DGKB: variants seen among roughly 807,000 people sequenced by gnomAD.
DGKB encodes the protein diacylglycerol kinase beta.
A neutral mutation model predicts 114.3 loss-of-function variants in DGKB; 67 were observed. The observed-to-expected ratio is 0.59, with a 90% CI of 0.48 to 0.72. DGKB has a LOEUF of 0.72. Among genes scored for constraint, DGKB ranks in the 30% least tolerant of loss-of-function variants. The pLI, the probability that DGKB is intolerant of heterozygous loss-of-function variation, is 0.00. For missense variants in DGKB, 907 were observed against 975.2 expected, an observed-to-expected ratio of 0.93 and a Z score of 0.93; for synonymous variants, 398 against 323.1, an observed-to-expected ratio of 1.23 and a Z score of -2.49.
chr7:14,893,716 G>C (rs1360924880), intron 1 of DGKB, among the ~76,000 whole-genome samples: 1 of 151,240 alleles, frequency 6.6e-6, no homozygotes. Flanking sequence ...GGTATATCTT[G>C]AGAATTGCTT....
chr7:14,261,659 G>A (rs1469364125), intron 23 of DGKB, among the ~76,000 whole-genome samples: 1 of 152,112 alleles, frequency 6.6e-6, no homozygotes, highest in Non-Finnish European at 1.5e-5. Flanking sequence ...AGATTGAGCA[G>A]CACTTTCTTG....
At chr7:14,336,576 G>A (rs1810715774) in intron 23 of DGKB, among the ~76,000 whole-genome samples, 1 of 152,116 alleles carries the variant, frequency 6.6e-6, no homozygotes, top group Non-Finnish European at 1.5e-5. Flanking sequence ...GAATTTATGG[G>A]AAATTGGTTC....
intron 1 of DGKB, among the ~76,000 whole-genome samples, chr7:14,871,991 G>C (rs548339081): frequency 3.3e-5 from 5 of 152,072 alleles, no homozygotes; most frequent in Non-Finnish European, 5.9e-5. Flanking sequence ...TAAATACAGC[G>C]ATCTTCAAGA....
chr7:14,728,275 T>A (rs1439297814), intron 5 of DGKB, among the ~76,000 whole-genome samples: 1 of 152,214 alleles, frequency 6.6e-6, no homozygotes, highest in Non-Finnish European at 1.5e-5. Flanking sequence ...TTCTCCTTCA[T>A]GATAGCTGCC....
chr7:14,281,117 T>C (rs555399722), intron 23 of DGKB, among the ~76,000 whole-genome samples: 1 of 146,040 alleles, frequency 6.8e-6, no homozygotes, highest in African/African-American at 2.5e-5. Flanking sequence ...AGGAAACCCA[T>C]CTCATGTGCA....
chr7:14,725,255 C>T (rs970306620), intron 5 of DGKB, among the ~76,000 whole-genome samples: 2 of 152,100 alleles, frequency 1.3e-5, no homozygotes, highest in Non-Finnish European at 2.9e-5. Context: ...GTCTATTTGA[C>T]CAAAATTATT....
intron 20 of DGKB, among the ~76,000 whole-genome samples, chr7:14,551,982 A>T (rs1264705145): frequency 2.6e-5 from 4 of 152,138 alleles, no homozygotes; most frequent in Non-Finnish European, 4.4e-5. Context: ...CTAATTACAG[A>T]ACCATAAGGT....
chr7:14,793,339 C>T (rs1216040203), intron 2 of DGKB, among the ~76,000 whole-genome samples: 3 of 152,060 alleles, frequency 2.0e-5, no homozygotes, highest in Non-Finnish European at 2.9e-5. Context: ...TCATGCATTC[C>T]TACCACAGCT....
At chr7:14,585,014 T>A (rs1306346316) in intron 17 of DGKB, among the ~76,000 whole-genome samples, 1 of 152,122 alleles carries the variant, frequency 6.6e-6, no homozygotes, top group Non-Finnish European at 1.5e-5. Context: ...AATCTTCGCA[T>A]TTAAATTTGC....
chr7:14,167,672 C>G (rs1784807282), intron 25 of DGKB, among the ~76,000 whole-genome samples: 1 of 152,112 alleles, frequency 6.6e-6, no homozygotes, highest in Non-Finnish European at 1.5e-5. Context: ...AGTTTTCAGA[C>G]AGGCATATGG....
chr7:14,874,938 C>G (rs1480395923), intron 1 of DGKB, among the ~76,000 whole-genome samples: 1 of 151,944 alleles, frequency 6.6e-6, no homozygotes, highest in Non-Finnish European at 1.5e-5. Context: ...TTTTATTTTG[C>G]TAGCGTAACG....
chr7:14,600,811 T>C (rs1490204177), intron 17 of DGKB, among the ~76,000 whole-genome samples: 1 of 152,190 alleles, frequency 6.6e-6, no homozygotes, highest in Non-Finnish European at 1.5e-5. Context: ...TTTAAGCCCC[T>C]AAGGCTCCGA....
chr7:14,564,352 C>T (rs1053771284), intron 20 of DGKB, among the ~76,000 whole-genome samples: 3 of 152,180 alleles, frequency 2.0e-5, no homozygotes, highest in Admixed American at 6.5e-5. Context: ...TCTTACTGAT[C>T]ATGTGATGCT....
chr7:14,786,244 C>T (rs1181222453), intron 2 of DGKB, among the ~76,000 whole-genome samples: 1 of 152,132 alleles, frequency 6.6e-6, no homozygotes, highest in Non-Finnish European at 1.5e-5. Context: ...TAACTAATTT[C>T]TAACTAATCC....
intron 2 of DGKB, among the ~76,000 whole-genome samples, chr7:14,801,387 G>A (rs1401645188): frequency 6.6e-6 from 1 of 152,110 alleles, no homozygotes; most frequent in Non-Finnish European, 1.5e-5. Flanking sequence ...GGTTAGCTTT[G>A]TGTGTCAATT....
At chr7:14,329,126 T>C (rs1223830607) in intron 23 of DGKB, among the ~76,000 whole-genome samples, 3 of 151,932 alleles carry the variant, frequency 2.0e-5, no homozygotes, top group Admixed American at 1.3e-4. Flanking sequence ...GAAACTAAAC[T>C]CATGGCAATG....
chr7:14,244,373 C>CA (rs1182502632), intron 23 of DGKB, among the ~76,000 whole-genome samples: 2 of 151,930 alleles, frequency 1.3e-5, no homozygotes, highest in Non-Finnish European at 2.9e-5. Context: ...GAAGAGGGTG[C>CA]TGGCCGGGCG....
chr7:14,721,651 T>G (rs1829188646), intron 5 of DGKB, among the ~76,000 whole-genome samples: 1 of 152,172 alleles, frequency 6.6e-6, no homozygotes, highest in South Asian at 2.1e-4. Flanking sequence ...AAAGCTTATA[T>G]AAAAGAAATA....
At chr7:14,549,922 G>A (rs539274737) in intron 20 of DGKB, among the ~76,000 whole-genome samples, 1 of 152,080 alleles carries the variant, frequency 6.6e-6, no homozygotes, top group East Asian at 1.9e-4. Context: ...CTGGGAGGTG[G>A]AGGTTGCAGT....
Sources: allele counts gnomAD v4.1 joint callset (sites outside exome capture counted in the v4.1 genomes callset), GRCh38; gene constraint gnomAD v4.1.1; transcripts MANE v1.5; gene names NCBI Gene and HGNC (gene_info 2026-07-23, HGNC 2026-07-21).